Variants in PCDHA9 observed in about 807,000 individuals in gnomAD.
PCDHA9 encodes the protein protocadherin alpha-9.
In PCDHA9, 62 loss-of-function variants were observed where a neutral mutation model predicts 62.0. The observed-to-expected ratio is 1.00, with a 90% CI of 0.81 to 1.23. The LOEUF is 1.23. PCDHA9 is among the 50% of genes most tolerant of loss of function. The probability of loss-of-function intolerance (pLI) is 0.00; values close to 1 mark genes in which losing one functional copy is unlikely to be tolerated. For missense variants in PCDHA9, 1,205 were observed against 1,249.8 expected (o/e 0.96, Z 0.54); for synonymous variants, 557 against 567.6 (o/e 0.98, Z 0.27).
At position 140,883,630 on chromosome 5, in the gene PCDHA9, G is replaced by A. The variant is rs1424400219; in HGVS notation, c.2394+32741G>A. Reference sequence around the variant, plus strand: ...CCGACGTGAACGACAACGCGCCGGCGTTCGCGCAGCCCGAGTACACGGTGT... The same window carrying A: ...CCGACGTGAACGACAACGCGCCGGCATTCGCGCAGCCCGAGTACACGGTGT... On this transcript the variant is annotated intron_variant, in intron 1 of 3. Coordinates refer to ENST00000532602, the MANE Select transcript of PCDHA9 (RefSeq NM_031857.2). 3 of 1,613,848 alleles carry A rather than the reference G, an allele frequency of 1.9e-6. No individual in the cohort carries two copies. In the African/African-American group the frequency reaches 4.0e-5, roughly 22 times the overall value.
At chr5:140,955,381 T>TG (rs782287731) in intron 1 of PCDHA9, among the ~76,000 whole-genome samples, 4 of 152,136 alleles carry the variant, frequency 2.6e-5, no homozygotes, top group Non-Finnish European at 5.9e-5. Context: ...AATTGAATCA[T>TG]GGGGGCAATT....
chr5:140,964,556 G>A (rs2095839745), intron 1 of PCDHA9, among the ~76,000 whole-genome samples: 1 of 152,166 alleles, frequency 6.6e-6, no homozygotes. Context: ...GCGACTTGGA[G>A]GGCTGGGAGG....
At chr5:140,861,474 G>A in intron 1 of PCDHA9, 1 of 493,958 alleles carries the variant, frequency 2.0e-6, no homozygotes, top group East Asian at 5.8e-5. Context: ...TCTGCAGAAT[G>A]GCATTTTTGT....
At chr5:140,927,818 A>C (rs1554205106) in intron 1 of PCDHA9, 1 of 1,614,190 alleles carries the variant, frequency 6.2e-7, no homozygotes, top group Admixed American at 1.7e-5. Flanking sequence ...TTGGAGGCAT[A>C]CATTGAGGCG....
intron 1 of PCDHA9, among the ~76,000 whole-genome samples, chr5:140,872,045 C>G (rs1286579116): frequency 6.6e-6 from 1 of 152,208 alleles, no homozygotes; most frequent in East Asian, 1.9e-4. Flanking sequence ...AAGAATTCTC[C>G]CACTTCAGCC....
intron 3 of PCDHA9, among the ~76,000 whole-genome samples, chr5:140,990,966 A>G (rs2097424130): frequency 6.6e-6 from 1 of 152,214 alleles, no homozygotes; most frequent in Non-Finnish European, 1.5e-5. Context: ...GTCTCTTAGA[A>G]CAAGAGAAAG....
intron 1 of PCDHA9, among the ~76,000 whole-genome samples, chr5:140,879,144 G>A (rs1309421547): frequency 6.6e-6 from 1 of 152,168 alleles, no homozygotes; most frequent in Non-Finnish European, 1.5e-5. Context: ...TGTGAAGGCA[G>A]GAAAGCTATT....
chr5:140,896,008 T>C (rs1231092307), intron 1 of PCDHA9, among the ~76,000 whole-genome samples: 4 of 152,082 alleles, frequency 2.6e-5, no homozygotes, highest in Non-Finnish European at 4.4e-5. Flanking sequence ...ACAGGGTTTC[T>C]CCATGTTGGC....
chr5:141,006,365 C>A, intron 3 of PCDHA9, among the ~76,000 whole-genome samples: 1 of 151,966 alleles, frequency 6.6e-6, no homozygotes, highest in East Asian at 1.9e-4. Flanking sequence ...GCGCCCACCA[C>A]CACGCCCGGC....
chr5:140,961,071 G>T (rs1344860284), intron 1 of PCDHA9, among the ~76,000 whole-genome samples: 1 of 152,208 alleles, frequency 6.6e-6, no homozygotes, highest in Non-Finnish European at 1.5e-5. Flanking sequence ...GATATCTGGA[G>T]TATCAAGTAA....
chr5:141,002,146 CT>C (rs2098061512), intron 3 of PCDHA9, among the ~76,000 whole-genome samples: 1 of 152,250 alleles, frequency 6.6e-6, no homozygotes, highest in Admixed American at 6.5e-5. Flanking sequence ...GCTGCACTGA[CT>C]TAGCAGAGTG....
intron 3 of PCDHA9, among the ~76,000 whole-genome samples, chr5:140,986,392 C>T (rs1331552974): frequency 1.3e-5 from 2 of 152,162 alleles, no homozygotes; most frequent in South Asian, 2.1e-4. Context: ...CATTAAAGGG[C>T]CAGTCGCTCA....
chr5:141,000,765 G>T (rs1554257794), intron 3 of PCDHA9, among the ~76,000 whole-genome samples: 9 of 151,816 alleles, frequency 5.9e-5, no homozygotes, highest in Non-Finnish European at 2.9e-5. Context: ...ATCTTAGCCA[G>T]GCATAGTGGC....
chr5:140,915,626 GTCTCTCTCTCTC>G (rs57920489), intron 1 of PCDHA9, among the ~76,000 whole-genome samples: 39 of 146,434 alleles, frequency 2.7e-4, no homozygotes, highest in African/African-American at 9.6e-4. Context: ...GTCTCTTTCT[GTCTCTCTCTCTC>G]TCTCTCTCTC....
intron 1 of PCDHA9, among the ~76,000 whole-genome samples, chr5:140,913,292 T>G (rs1252467748): frequency 6.6e-6 from 1 of 152,184 alleles, no homozygotes; most frequent in African/African-American, 2.4e-5. Flanking sequence ...AGGTTTTAAT[T>G]TCTTCATAGA....
At chr5:140,923,966 C>T (rs1422839186) in intron 1 of PCDHA9, among the ~76,000 whole-genome samples, 3 of 152,188 alleles carry the variant, frequency 2.0e-5, no homozygotes, top group Non-Finnish European at 4.4e-5. Flanking sequence ...AATCTATACC[C>T]ACACATACTA....
At chr5:140,862,748 C>T in intron 1 of PCDHA9, 1 of 577,560 alleles carries the variant, frequency 1.7e-6, no homozygotes, top group Non-Finnish European at 3.3e-6. Flanking sequence ...TGGGTGCACG[C>T]GGAGAGCGGC....
chr5:140,993,530 AG>A (rs2097570679), intron 3 of PCDHA9, among the ~76,000 whole-genome samples: 7 of 152,044 alleles, frequency 4.6e-5, no homozygotes, highest in African/African-American at 1.7e-4. Context: ...AGACAGAGAG[AG>A]AGAGAGATAG....
At chr5:140,885,119 TTTTC>T (rs1425065169) in intron 1 of PCDHA9, among the ~76,000 whole-genome samples, 2 of 152,334 alleles carry the variant, frequency 1.3e-5, no homozygotes, top group East Asian at 3.9e-4. Context: ...TTAAGTGCAC[TTTTC>T]TTTCTTTCTT....
Sources: allele counts gnomAD v4.1 joint callset (sites outside exome capture counted in the v4.1 genomes callset), GRCh38; gene constraint gnomAD v4.1.1; transcripts MANE v1.5; gene names NCBI Gene and HGNC (gene_info 2026-07-23, HGNC 2026-07-21).